TECTB: variants seen among roughly 807,000 people sequenced by gnomAD.
The protein encoded by TECTB is beta-tectorin.
Under a neutral mutation model 43.3 loss-of-function variants are expected in TECTB, and 45 were observed. That is an observed-to-expected ratio of 1.04 (90% CI 0.82 to 1.33). The LOEUF (loss-of-function observed/expected upper bound fraction) is 1.33, where lower values mean the gene tolerates loss of function less well. Ranked by LOEUF, TECTB falls within the 40% of genes most tolerant of loss-of-function variation. TECTB has a pLI of 0.00. For synonymous variants in TECTB, 169 were observed against 156.7 expected, an observed-to-expected ratio of 1.08 and a Z score of -0.59; for missense variants, 399 against 404.7, an observed-to-expected ratio of 0.99 and a Z score of 0.12.
Position 112,299,631 on chromosome 10 carries a change from C to G in TECTB, c.907+67C>G, listed in dbSNP as rs776704371. 2.2e-5 allele frequency: 35 copies of G among 1,567,894 alleles called. No homozygotes were observed. The Admixed American group carries it at 5.9e-4, about 26-fold the overall frequency. On this transcript the variant is annotated intron_variant, in intron 9 of 10. Coordinates refer to ENST00000646139, the MANE Select transcript of TECTB (RefSeq NM_058222.3). ...TCACGCTGGGCTGCGTCCACAGGCA[C>G]AGCCGGTTTGAGCATTTTTACTGAA...
At chr10:112,290,207 C>T (rs577783694) in intron 5 of TECTB, among the ~76,000 whole-genome samples, 3 of 152,304 alleles carry the variant, frequency 2.0e-5, no homozygotes, top group East Asian at 3.9e-4. Context: ...GTAGACACTA[C>T]CTGTCTGTCA....
intron 10 of TECTB, 190 bp from the exon 11 acceptor site, chr10:112,303,073 C>T (rs1219944161): frequency 8.0e-6 from 5 of 625,510 alleles, no homozygotes; most frequent in African/African-American, 5.4e-5. Context: ...GGTCCACAAC[C>T]TAGGTTTATC....
rs1848453324 is a variant in TECTB at position 112,286,230 on chromosome 10, CAT to C, written c.410+18_410+19del. 6.2e-7 allele frequency: 1 copy of C among 1,614,006 alleles called. No individual in the cohort carries two copies. Among genetic ancestry groups the C allele is most frequent in the African/African-American group, 1.3e-5 (1 of 74,930 alleles). ...TGACCAGAGGTAAGTTGCTGTGCGG[CAT>C]GGAGGGCTGGCTGCCTCATGTGTGT... On this transcript the variant is annotated intron_variant, in intron 4 of 10. Coordinates refer to ENST00000646139, the MANE Select transcript of TECTB (RefSeq NM_058222.3).
chr10:112,292,511 G>C (rs1287601253), intron 5 of TECTB, among the ~76,000 whole-genome samples: 1 of 152,002 alleles, frequency 6.6e-6, no homozygotes, highest in Non-Finnish European at 1.5e-5. Flanking sequence ...CTTGGCTCAT[G>C]GCAACCTCCA....
At chr10:112,300,185 G>A in intron 9 of TECTB, among the ~76,000 whole-genome samples, 1 of 138,322 alleles carries the variant, frequency 7.2e-6, no homozygotes, top group Non-Finnish European at 1.6e-5. Context: ...AAGAAAGAAA[G>A]AAAAAGAAGA....
At chr10:112,287,529 G>A (rs1357685977) in intron 5 of TECTB, among the ~76,000 whole-genome samples, 2 of 152,218 alleles carry the variant, frequency 1.3e-5, no homozygotes, top group Non-Finnish European at 2.9e-5. Flanking sequence ...ACTTCTCAAA[G>A]GAGAAACATC....
intron 9 of TECTB, among the ~76,000 whole-genome samples, chr10:112,301,529 G>A (rs966122937): frequency 3.3e-5 from 5 of 152,136 alleles, no homozygotes; most frequent in African/African-American, 1.2e-4. Context: ...AACTACAGGT[G>A]GATTTGTGGT....
At chr10:112,294,907 T>C (rs567871369) in intron 7 of TECTB, among the ~76,000 whole-genome samples, 159 of 152,338 alleles carry the variant, frequency 1.0e-3, no homozygotes, top group Non-Finnish European at 1.7e-3. Context: ...GATGGCTTTG[T>C]GTTCTTAAAT....
At position 112,299,504 on chromosome 10, in the gene TECTB, C is replaced by G; in HGVS notation, c.847C>G (p.Arg283Gly). ...TCTGGGTCTTCAGACCTGCGATAAACGGAAGCGCCTCCTGCGAGACCAGAC... is the reference window on the plus strand; with the variant it reads ...TCTGGGTCTTCAGACCTGCGATAAAGGGAAGCGCCTCCTGCGAGACCAGAC... ...KLSCPVTCDK[R>G]KRLLRDQTGG... is the part of the protein sequence containing the mutation. The change falls in exon 9 of 11, where the codon CGG (arginine) becomes GGG (glycine). Residue 283 changes from arginine to glycine, a missense_variant. Arg to Gly is a moderately radical substitution (Grantham distance 125). Coordinates refer to ENST00000646139, the MANE Select transcript of TECTB (RefSeq NM_058222.3). 6.2e-7 allele frequency: 1 copy of G among 1,614,216 alleles called. No homozygotes were observed. The highest frequency in any genetic ancestry group is 8.5e-7 in the Non-Finnish European group (1 of 1,180,022).
At chr10:112,285,264 G>T (rs1226717219) in intron 3 of TECTB, among the ~76,000 whole-genome samples, 1 of 152,176 alleles carries the variant, frequency 6.6e-6, no homozygotes, top group Non-Finnish European at 1.5e-5. Flanking sequence ...TCCCAATAAA[G>T]TCACTCATTC....
At chr10:112,292,374 G>A (rs555146573) in intron 5 of TECTB, among the ~76,000 whole-genome samples, 41 of 152,238 alleles carry the variant, frequency 2.7e-4, no homozygotes, top group Middle Eastern at 3.4e-3. Context: ...TCACATCGTG[G>A]TGTTGACTCC....
intron 5 of TECTB, among the ~76,000 whole-genome samples, chr10:112,287,164 AT>A (rs1449222645): frequency 1.3e-5 from 2 of 152,188 alleles, no homozygotes; most frequent in African/African-American, 4.8e-5. Flanking sequence ...AAAGAGAAGG[AT>A]TGGGGTCGGC....
rs561343589 is a variant in TECTB at position 112,300,692 on chromosome 10, T to C, written c.907+1128T>C. Reference sequence around the variant, plus strand: ...GCTCAAAGGTCATGCTCACAGGAAATGCTCATTGTAGCATTTTAGATTTCA... The same window carrying C: ...GCTCAAAGGTCATGCTCACAGGAAACGCTCATTGTAGCATTTTAGATTTCA... On this transcript the variant is annotated intron_variant, in intron 9 of 10. Transcript: ENST00000646139. Among the ~76,000 whole-genome samples, 18 of 152,350 alleles carry C rather than the reference T, an allele frequency of 1.2e-4. 1 individual carries two copies. The highest frequency in any genetic ancestry group is 4.3e-4 in the African/African-American group (18 of 41,582).
intron 3 of TECTB, 25 bp from the exon 4 acceptor site, chr10:112,286,046 C>T: frequency 6.2e-7 from 1 of 1,613,650 alleles, no homozygotes; most frequent in Non-Finnish European, 8.5e-7. Flanking sequence ...CAGATTCATC[C>T]TGACTGTCTC....
intron 7 of TECTB, among the ~76,000 whole-genome samples, chr10:112,297,585 A>C (rs876281): frequency 6.6e-6 from 1 of 151,996 alleles, no homozygotes; most frequent in Non-Finnish European, 1.5e-5. Context: ...GATATATATA[A>C]TTTAAATAAT....
intron 7 of TECTB, among the ~76,000 whole-genome samples, chr10:112,295,067 A>G (rs1195811094): frequency 1.3e-5 from 2 of 152,230 alleles, no homozygotes; most frequent in South Asian, 2.1e-4. Context: ...GAATTGTACT[A>G]TTGGAAATTA....
intron 1 of TECTB, 35 bp downstream of exon 1, chr10:112,283,531 A>G (rs951717540): frequency 1.0e-5 from 6 of 574,788 alleles, no homozygotes; most frequent in Non-Finnish European, 1.8e-5. Context: ...CAGCGCTAAC[A>G]GGAAACAATT....
rs1353741556 is a variant in TECTB, at chr10:112,304,544, C to T, written c.*1232C>T. The T allele has an allele frequency of 1.3e-5, 2 of 152,132 alleles. No individual in the cohort carries two copies. The highest frequency in any genetic ancestry group is 2.9e-5 in the Non-Finnish European group (2 of 68,034). The allele number at this position is 152,132 out of a possible 1,614,324, so 9.4% of individuals were successfully genotyped here. ...GATAGGAAAAGGCAGAGTTCTAAGTCCTTAGTTATGTAAAGACTTAATTAG... is the reference window on the plus strand; with the variant it reads ...GATAGGAAAAGGCAGAGTTCTAAGTTCTTAGTTATGTAAAGACTTAATTAG... On this transcript the variant is annotated 3_prime_UTR_variant, in exon 11 of 11. Coordinates refer to ENST00000646139, the MANE Select transcript of TECTB (RefSeq NM_058222.3).
intron 5 of TECTB, among the ~76,000 whole-genome samples, chr10:112,291,410 T>C (rs923381142): frequency 6.6e-6 from 1 of 152,172 alleles, no homozygotes; most frequent in Non-Finnish European, 1.5e-5. Context: ...CAAAGGAATA[T>C]AAATCATTCT....
Sources: allele counts gnomAD v4.1 joint callset (sites outside exome capture counted in the v4.1 genomes callset), GRCh38; gene constraint gnomAD v4.1.1; transcripts MANE v1.5; gene names NCBI Gene and HGNC (gene_info 2026-07-23, HGNC 2026-07-21).